Variants in PLCB1 observed in about 807,000 individuals in gnomAD.
The protein encoded by PLCB1 is phospholipase C beta 1.
PLCB1 carries 46 observed loss-of-function variants against 161.8 expected under a neutral mutation model. That is an observed-to-expected ratio of 0.28 (90% CI 0.22 to 0.36). The LOEUF is 0.36. Ranked by LOEUF, PLCB1 falls within the 10% of genes least tolerant of loss-of-function variation. PLCB1 has a pLI of 1.00. For missense variants in PLCB1, 1,016 were observed against 1,472.5 expected, an observed-to-expected ratio of 0.69 and a Z score of 5.07; for synonymous variants, 517 against 503.7, an observed-to-expected ratio of 1.03 and a Z score of -0.35.
intron 9 of PLCB1, among the ~76,000 whole-genome samples, chr20:8,679,012 T>C (rs1334893281): frequency 6.6e-6 from 1 of 152,176 alleles, no homozygotes; most frequent in East Asian, 1.9e-4. Flanking sequence ...AAGGATGAAT[T>C]TTATGTGCCA....
chr20:8,421,894 G>A (rs1979551780), intron 3 of PLCB1, among the ~76,000 whole-genome samples: 1 of 152,186 alleles, frequency 6.6e-6, no homozygotes, highest in Non-Finnish European at 1.5e-5. Flanking sequence ...AGTTTGAGAA[G>A]CACAGGCTCA....
intron 3 of PLCB1, among the ~76,000 whole-genome samples, chr20:8,621,753 A>C (rs1026432425): frequency 3.9e-5 from 6 of 152,216 alleles, no homozygotes; most frequent in Non-Finnish European, 8.8e-5. Context: ...TGTGATATGG[A>C]GAGGGCTTAG....
intron 3 of PLCB1, among the ~76,000 whole-genome samples, chr20:8,432,194 A>G (rs1404468988): frequency 7.2e-5 from 11 of 152,184 alleles, no homozygotes; most frequent in Admixed American, 1.3e-4. Flanking sequence ...AGAGGGAAAC[A>G]GGGACGCTCC....
chr20:8,651,124 T>G (rs1989308558), intron 7 of PLCB1, among the ~76,000 whole-genome samples: 1 of 152,224 alleles, frequency 6.6e-6, no homozygotes, highest in Admixed American at 6.5e-5. Context: ...ATTATTTTTA[T>G]CTGAGTATCT....
At chr20:8,308,380 G>A (rs993282523) in intron 2 of PLCB1, among the ~76,000 whole-genome samples, 1 of 151,888 alleles carries the variant, frequency 6.6e-6, no homozygotes. Flanking sequence ...ACTTCGGGAG[G>A]CCAAGGTGAG....
At chr20:8,762,137 GA>G (rs1341936309) in intron 25 of PLCB1, among the ~76,000 whole-genome samples, 1 of 152,082 alleles carries the variant, frequency 6.6e-6, no homozygotes, top group Non-Finnish European at 1.5e-5. Context: ...TTGAACCCAG[GA>G]GGCGGAGGTT....
chr20:8,557,025 A>T (rs185735154), intron 3 of PLCB1, among the ~76,000 whole-genome samples: 161 of 149,260 alleles, frequency 1.1e-3, no homozygotes, highest in East Asian at 2.8e-3. Context: ...ATAAATAAAA[A>T]AAATAATAAA....
At chr20:8,353,489 T>A (rs555148385) in intron 2 of PLCB1, among the ~76,000 whole-genome samples, 1 of 152,092 alleles carries the variant, frequency 6.6e-6, no homozygotes, top group Admixed American at 6.6e-5. Context: ...GTAATTGTGA[T>A]GCAGAAACTG....
chr20:8,638,772 C>G (rs1209585225), intron 4 of PLCB1, among the ~76,000 whole-genome samples: 1 of 152,048 alleles, frequency 6.6e-6, no homozygotes, highest in Admixed American at 6.5e-5. Flanking sequence ...TGAATTATCC[C>G]AATTCTCTCA....
intron 1 of PLCB1, among the ~76,000 whole-genome samples, chr20:8,141,710 C>A (rs2051405766): frequency 6.6e-6 from 1 of 151,626 alleles, no homozygotes; most frequent in African/African-American, 2.4e-5. Context: ...TGGAAACATG[C>A]ATGTGGAAAG....
chr20:8,482,092 A>ATTTTTTTTTTTTTTT (rs199634903), intron 3 of PLCB1, among the ~76,000 whole-genome samples: 10 of 104,878 alleles, frequency 9.5e-5, no homozygotes, highest in African/African-American at 2.5e-4. Context: ...GCTTGAAGGA[A>ATTTTTTTTTTTTTTT]TTTTTTTTTT....
At chr20:8,522,375 A>G (rs1006885989) in intron 3 of PLCB1, among the ~76,000 whole-genome samples, 2 of 152,124 alleles carry the variant, frequency 1.3e-5, no homozygotes, top group African/African-American at 4.8e-5. Flanking sequence ...CTATGACATC[A>G]TCCTCATTCT....
intron 3 of PLCB1, among the ~76,000 whole-genome samples, chr20:8,498,433 T>C (rs1041396310): frequency 6.6e-6 from 1 of 152,246 alleles, no homozygotes; most frequent in Non-Finnish European, 1.5e-5. Flanking sequence ...AATAATTATA[T>C]AAAATTGATA....
intron 9 of PLCB1, among the ~76,000 whole-genome samples, chr20:8,672,975 G>A (rs904571631): frequency 1.3e-5 from 2 of 151,980 alleles, no homozygotes; most frequent in African/African-American, 4.8e-5. Flanking sequence ...AGCCTAGCAT[G>A]GTGATGCGCG....
intron 3 of PLCB1, among the ~76,000 whole-genome samples, chr20:8,454,309 T>G (rs541104608): frequency 6.6e-6 from 1 of 152,274 alleles, no homozygotes; most frequent in South Asian, 2.1e-4. Flanking sequence ...AGGACACCTT[T>G]GCCATGATGA....
intron 9 of PLCB1, among the ~76,000 whole-genome samples, chr20:8,659,914 C>T (rs1203960985): frequency 4.0e-5 from 6 of 151,336 alleles, no homozygotes; most frequent in Admixed American, 3.3e-4. Flanking sequence ...ATTGCTTTAA[C>T]CCAGGAGGCA....
chr20:8,840,695 A>G (rs1986468404), intron 31 of PLCB1, among the ~76,000 whole-genome samples: 2 of 152,158 alleles, frequency 1.3e-5, no homozygotes, highest in Admixed American at 6.5e-5. Flanking sequence ...CACTGATTTC[A>G]TTTTCTATTT....
At chr20:8,510,027 T>C (rs752917932) in intron 3 of PLCB1, among the ~76,000 whole-genome samples, 2 of 152,226 alleles carry the variant, frequency 1.3e-5, no homozygotes, top group Admixed American at 6.5e-5. Context: ...GCAGTGATTA[T>C]AATTTATGAC....
intron 21 of PLCB1, 52 bp from the exon 22 acceptor site, chr20:8,740,292 A>G: frequency 1.0e-6 from 1 of 953,204 alleles, no homozygotes; most frequent in East Asian, 2.5e-5. Flanking sequence ...CATAATTATA[A>G]CTAACATTGG....
Sources: gnomAD v4.1 joint callset for allele counts (sites outside exome capture counted in the v4.1 genomes callset) on GRCh38, gnomAD v4.1.1 for gene constraint, MANE v1.5 for transcripts, NCBI Gene and HGNC (gene_info 2026-07-23, HGNC 2026-07-21) for gene names.